Variants in UBL3 observed in about 807,000 individuals in gnomAD.
The protein encoded by UBL3 is ubiquitin-like protein 3.
A neutral mutation model predicts 18.4 loss-of-function variants in UBL3; 6 were observed. The observed-to-expected ratio is 0.33, with a 90% CI of 0.18 to 0.64. UBL3 has a LOEUF of 0.64. UBL3 is among the 30% of genes least tolerant of loss of function. UBL3 has a pLI of 0.76. For synonymous variants in UBL3, 49 were observed against 46.6 expected (o/e 1.05, Z -0.21); for missense variants, 109 against 142.9 (o/e 0.76, Z 1.21).
intron 1 of UBL3, among the ~76,000 whole-genome samples, chr13:29,827,070 T>C (rs1878642603): frequency 6.6e-6 from 1 of 152,220 alleles, no homozygotes; most frequent in Admixed American, 6.5e-5. Flanking sequence ...TAATTTCTGT[T>C]CTTTTACATT....
chr13:29,834,112 A>T (rs1013042141), intron 1 of UBL3, among the ~76,000 whole-genome samples: 2 of 151,594 alleles, frequency 1.3e-5, no homozygotes, highest in Admixed American at 6.6e-5. Flanking sequence ...ACTTGAACCC[A>T]GGAGCTTCCA....
At chr13:29,779,313 C>T (rs1274054896) in intron 1 of UBL3, 16 of 444,364 alleles carry the variant, frequency 3.6e-5, no homozygotes, top group Non-Finnish European at 4.4e-5. Context: ...TGAACTTATA[C>T]GGAATATTTA....
chr13:29,766,607 C>T lies in UBL3; in HGVS notation c.*648G>A, dbSNP rs1024423342. 3 of 152,550 alleles carry T rather than the reference C, an allele frequency of 2.0e-5. No individual in the cohort carries two copies. Among genetic ancestry groups the T allele is most frequent in the African/African-American group, 7.2e-5 (3 of 41,424 alleles). 9.4% of individuals were successfully genotyped at this position (152,550 alleles called of 1,614,324 possible). ...GGAAAAAAAATTAGTTTCATCAGCC[C>T]TCTACTGAGTGCTTTAAACAGGCAC... On this transcript the variant is annotated 3_prime_UTR_variant, in exon 5 of 5. Coordinates refer to ENST00000380680, the MANE Select transcript of UBL3 (RefSeq NM_007106.4).
At chr13:29,847,007 C>T (rs974310175) in intron 1 of UBL3, among the ~76,000 whole-genome samples, 5 of 152,124 alleles carry the variant, frequency 3.3e-5, no homozygotes, top group Admixed American at 3.3e-4. Context: ...AAATTGTTGT[C>T]ATGAATGTAA....
intron 1 of UBL3, among the ~76,000 whole-genome samples, chr13:29,845,925 C>T (rs1362166238): frequency 2.0e-5 from 3 of 151,916 alleles, no homozygotes; most frequent in African/African-American, 7.2e-5. Flanking sequence ...AATTTTAGTC[C>T]AAAGCTCTAA....
At chr13:29,825,322 T>C (rs1439139759) in intron 1 of UBL3, among the ~76,000 whole-genome samples, 1 of 152,218 alleles carries the variant, frequency 6.6e-6, no homozygotes, top group African/African-American at 2.4e-5. Flanking sequence ...TATTGATTAT[T>C]CCTATCCATC....
intron 1 of UBL3, among the ~76,000 whole-genome samples, chr13:29,783,614 T>C (rs1036578475): frequency 1.3e-5 from 2 of 152,352 alleles, no homozygotes; most frequent in Middle Eastern, 3.4e-3. Flanking sequence ...AGATAAATAA[T>C]GTTAATTGTA....
intron 1 of UBL3, among the ~76,000 whole-genome samples, chr13:29,829,767 T>A (rs1056415899): frequency 3.9e-5 from 6 of 152,150 alleles, no homozygotes; most frequent in African/African-American, 1.4e-4. Context: ...AAATCACCCA[T>A]CTTCTGCGTC....
intron 1 of UBL3, among the ~76,000 whole-genome samples, chr13:29,794,048 G>A (rs949549152): frequency 2.0e-5 from 3 of 152,052 alleles, no homozygotes; most frequent in African/African-American, 2.4e-5. Context: ...GTTTCGCCAC[G>A]TTGGCCAGGC....
At chr13:29,837,472 C>T (rs193068906) in intron 1 of UBL3, among the ~76,000 whole-genome samples, 13 of 151,706 alleles carry the variant, frequency 8.6e-5, no homozygotes, top group African/African-American at 3.2e-4. Flanking sequence ...TCTAGGCTTA[C>T]GAGAAGGGGA....
chr13:29,795,287 A>G (rs1484225718), intron 1 of UBL3, among the ~76,000 whole-genome samples: 1 of 152,182 alleles, frequency 6.6e-6, no homozygotes, highest in Non-Finnish European at 1.5e-5. Context: ...AACCTGGATT[A>G]TATTTTCCAA....
At chr13:29,773,417 A>G (rs1344771020) in intron 2 of UBL3, among the ~76,000 whole-genome samples, 1 of 152,172 alleles carries the variant, frequency 6.6e-6, no homozygotes, top group Non-Finnish European at 1.5e-5. Flanking sequence ...AGATCAAATA[A>G]GTCTCTAACA....
intron 1 of UBL3, among the ~76,000 whole-genome samples, chr13:29,835,502 T>A (rs1878938268): frequency 8.2e-6 from 1 of 122,350 alleles, no homozygotes. Flanking sequence ...TCCCAGTGGG[T>A]GGCTCCCACT....
chr13:29,813,199 A>C (rs980635376), intron 1 of UBL3, among the ~76,000 whole-genome samples: 6 of 152,052 alleles, frequency 3.9e-5, no homozygotes, highest in African/African-American at 1.4e-4. Flanking sequence ...TATGAATCTT[A>C]TTATCAATCA....
chr13:29,806,395 T>C (rs983060330), intron 1 of UBL3, among the ~76,000 whole-genome samples: 1 of 152,222 alleles, frequency 6.6e-6, no homozygotes, highest in Admixed American at 6.5e-5. Context: ...AAATATCTAA[T>C]GCCGGCCTGG....
Position 29,764,554 on chromosome 13 carries a change from G to A in UBL3, c.*2701C>T, listed in dbSNP as rs919938018. 16 of 152,156 alleles carry A rather than the reference G, an allele frequency of 1.1e-4. No individual in the cohort carries two copies. The highest frequency in any genetic ancestry group is 3.6e-4 in the African/African-American group (15 of 41,438). 9.4% of individuals were successfully genotyped at this position (152,156 alleles called of 1,614,324 possible). ...GAGGAAACTTCATTTAACGTGAATG[G>A]TAATGTTAGATACTGTATTTTTCCA... On this transcript the variant is annotated 3_prime_UTR_variant, in exon 5 of 5. Coordinates refer to ENST00000380680, the MANE Select transcript of UBL3 (RefSeq NM_007106.4).
At chr13:29,839,100 T>C (rs1256106501) in intron 1 of UBL3, among the ~76,000 whole-genome samples, 1 of 152,188 alleles carries the variant, frequency 6.6e-6, no homozygotes, top group Non-Finnish European at 1.5e-5. Flanking sequence ...CCTCACATAT[T>C]TGGCAATGTT....
At chr13:29,811,737 C>T (rs1230530128) in intron 1 of UBL3, among the ~76,000 whole-genome samples, 5 of 152,114 alleles carry the variant, frequency 3.3e-5, no homozygotes, top group Non-Finnish European at 7.4e-5. Flanking sequence ...CATCACTAAG[C>T]TGCTAGACTA....
chr13:29,821,124 C>G (rs1036065476), intron 1 of UBL3, among the ~76,000 whole-genome samples: 1 of 152,200 alleles, frequency 6.6e-6, no homozygotes, highest in East Asian at 1.9e-4. Context: ...CACCTGGGCA[C>G]TCAATAGATG....
Sources: allele counts gnomAD v4.1 joint callset (sites outside exome capture counted in the v4.1 genomes callset), GRCh38; gene constraint gnomAD v4.1.1; transcripts MANE v1.5; gene names NCBI Gene and HGNC (gene_info 2026-07-23, HGNC 2026-07-21).